The following PCDHA4 variants were observed in gnomAD, a reference collection of about 807,000 sequenced individuals.
PCDHA4 encodes protocadherin alpha-4.
PCDHA4 carries 49 observed loss-of-function variants against 61.4 expected under a neutral mutation model. That is an observed-to-expected ratio of 0.80 (90% CI 0.63 to 1.01). The LOEUF (loss-of-function observed/expected upper bound fraction) is 1.01. Ranked by LOEUF, PCDHA4 falls within the 50% of genes least tolerant of loss-of-function variation. The probability of loss-of-function intolerance (pLI) is 0.00; values close to 1 mark genes in which losing one functional copy is unlikely to be tolerated. For synonymous variants in PCDHA4, 590 were observed against 550.3 expected (o/e 1.07, Z -1.01); for missense variants, 1,254 against 1,235.8 (o/e 1.01, Z -0.22).
Position 140,808,654 on chromosome 5 carries a change from G to A in PCDHA4, c.1467G>A (p.Leu489=). Residue 489 remains leucine (L), a synonymous_variant, in exon 1 of 4, where the codon CTG becomes CTA. Transcript: ENST00000530339. Reference sequence around the variant, plus strand: ...ACGCGGACGCGCAGGAGAACGCGCTGGTGTCCTACTCGCTGGTAGAGCGGC... The same window carrying A: ...ACGCGGACGCGCAGGAGAACGCGCTAGTGTCCTACTCGCTGGTAGAGCGGC... ...AWDADAQENA[L]VSYSLVERRV... 1 of 1,613,224 alleles carries A rather than the reference G, an allele frequency of 6.2e-7. No homozygotes were observed. The highest frequency in any genetic ancestry group is 8.5e-7 in the Non-Finnish European group (1 of 1,179,872).
rs782706939 is a variant in PCDHA4 at position 140,967,257 on chromosome 5, G to C, written c.2386-11692G>C. ...CAGGTAAGCGAATCGGTGGCGCCTG[G>C]AGCGCGCTTTCACATAGAGAGTGCG... is the stretch of plus-strand genomic sequence containing the variant. On this transcript the variant is annotated intron_variant, in intron 1 of 3. Coordinates refer to ENST00000530339, the MANE Select transcript of PCDHA4 (RefSeq NM_018907.4). 1.9e-6 allele frequency: 3 copies of C among 1,613,486 alleles called. No individual in the cohort carries two copies. The highest frequency in any genetic ancestry group is 1.3e-5 in the African/African-American group (1 of 75,062).
At chr5:140,829,449 C>T (rs2150168143) in intron 1 of PCDHA4, 10 of 1,613,808 alleles carry the variant, frequency 6.2e-6, no homozygotes, top group African/African-American at 5.3e-5. Context: ...GACAATGCTC[C>T]GGCGTTCGCG....
chr5:140,941,199 C>CTT (rs879983584), intron 1 of PCDHA4, among the ~76,000 whole-genome samples: 22 of 115,972 alleles, frequency 1.9e-4, no homozygotes, highest in African/African-American at 6.6e-4. Context: ...TTTTTTCTTT[C>CTT]TTCCTTTCTT....
intron 1 of PCDHA4, chr5:140,835,818 G>A: frequency 6.2e-7 from 1 of 1,612,692 alleles, no homozygotes; most frequent in Non-Finnish European, 8.5e-7. Flanking sequence ...CACTGTGTCG[G>A]CGGGGGACGC....
intron 1 of PCDHA4, among the ~76,000 whole-genome samples, chr5:140,899,982 A>AT (rs1290251020): frequency 2.0e-5 from 3 of 150,600 alleles, no homozygotes; most frequent in African/African-American, 4.9e-5. Context: ...TACTTTTTTG[A>AT]TTTTTTTTGT....
chr5:140,886,637 C>A (rs1379156415), intron 1 of PCDHA4, among the ~76,000 whole-genome samples: 3 of 151,848 alleles, frequency 2.0e-5, no homozygotes, highest in Non-Finnish European at 4.4e-5. Context: ...ACCAGCCTGG[C>A]CAACATGGTG....
In PCDHA4 at chr5:140,807,999, A is replaced by G. The variant is rs1554124378; in HGVS notation, c.812A>G (p.Glu271Gly). The change falls in exon 1 of 4, where the codon GAA (glutamate) becomes GGA (glycine). Residue 271 changes from glutamate to glycine, a missense_variant. Transcript: ENST00000530339. ...VIKLNASDLD[E>G]GLNGDIVYSF... ...AAACTTAACGCCTCAGATTTAGACGAAGGATTGAATGGGGACATTGTTTAT... is the reference window on the plus strand; with the variant it reads ...AAACTTAACGCCTCAGATTTAGACGGAGGATTGAATGGGGACATTGTTTAT... 6.2e-7 allele frequency: 1 copy of G among 1,613,834 alleles called. No homozygotes were observed. Among genetic ancestry groups the G allele is most frequent in the South Asian group, 1.1e-5 (1 of 91,068 alleles).
In PCDHA4 at chr5:140,870,774, G is replaced by T. The variant is rs782539037; in HGVS notation, c.2385+61202G>T. The T allele has an allele frequency of 2.9e-5, 47 of 1,613,632 alleles. 1 individual carries two copies. The South Asian group carries it at 3.8e-4, about 13-fold the overall frequency. On this transcript the variant is annotated intron_variant, in intron 1 of 3. Coordinates refer to ENST00000530339, the MANE Select transcript of PCDHA4 (RefSeq NM_018907.4). ...CGCTGCAGGTGTTCGTGCTGGACGA[G>T]AACGACAACGCGCCGGCACTGCTGG...
At chr5:140,996,791 A>G (rs2153942087) in intron 3 of PCDHA4, among the ~76,000 whole-genome samples, 1 of 152,316 alleles carries the variant, frequency 6.6e-6, no homozygotes, top group Non-Finnish European at 1.5e-5. Context: ...CTCACTCCCT[A>G]CATCCAATCA....
At chr5:140,917,330 AG>A (rs1425400137) in intron 1 of PCDHA4, among the ~76,000 whole-genome samples, 1,705 of 103,254 alleles carry the variant, frequency 0.017, 125 homozygotes, top group African/African-American at 0.055. Context: ...GTGGCGGGGG[AG>A]GGGGGGGATG....
intron 1 of PCDHA4, chr5:140,967,492 G>T (rs1554229617): frequency 3.1e-6 from 5 of 1,613,380 alleles, no homozygotes; most frequent in Non-Finnish European, 4.2e-6. Flanking sequence ...GTACGGCACA[G>T]ATCTCTGTGC....
intron 1 of PCDHA4, among the ~76,000 whole-genome samples, chr5:140,958,643 T>C (rs2095435479): frequency 1.3e-5 from 2 of 152,020 alleles, no homozygotes. Flanking sequence ...AGAAAACCAA[T>C]CACAGAAAGC....
At chr5:140,979,817 A>G (rs1228260788) in intron 2 of PCDHA4, among the ~76,000 whole-genome samples, 1 of 152,262 alleles carries the variant, frequency 6.6e-6, no homozygotes, top group Non-Finnish European at 1.5e-5. Flanking sequence ...AAAAGGATTT[A>G]ATTTTAAAGA....
At chr5:141,001,723 A>G (rs936645287) in intron 3 of PCDHA4, among the ~76,000 whole-genome samples, 22 of 152,286 alleles carry the variant, frequency 1.4e-4, no homozygotes, top group African/African-American at 4.8e-4. Context: ...GGAGCTTGAG[A>G]TATTTTACAA....
rs142688560 is a variant in PCDHA4 at position 140,809,117 on chromosome 5, C to A, written c.1930C>A (p.Arg644Ser). 4 of 1,613,992 alleles carry A rather than the reference C, an allele frequency of 2.5e-6. No homozygotes were observed. The highest frequency in any genetic ancestry group is 2.2e-5 in the South Asian group (2 of 91,090). The change falls in exon 1 of 4, where the codon CGC becomes AGC. Residue 644 changes from arginine (R) to serine (S), a missense_variant. Arg to Ser is a moderately radical substitution (Grantham distance 110). Transcript: ENST00000530339. ...TGCCCTGGACGAAACGGACGCTCCG[C>A]GCCACCGCCTACTGGTACTGGTGAA... ...TRALDETDAPRHRLLVLVKDH... is the reference protein window; with the variant it reads ...TRALDETDAPSHRLLVLVKDH...
chr5:140,835,289 C>T, intron 1 of PCDHA4: 1 of 1,612,382 alleles, frequency 6.2e-7, no homozygotes, highest in Non-Finnish European at 8.5e-7. Flanking sequence ...GTGGGGCAAT[C>T]ACAGTGATAG....
intron 3 of PCDHA4, among the ~76,000 whole-genome samples, chr5:141,005,586 C>T (rs1428172819): frequency 6.6e-6 from 1 of 150,712 alleles, no homozygotes; most frequent in Non-Finnish European, 1.5e-5. Flanking sequence ...CCTGTAGTCC[C>T]AGCTACACAG....
At chr5:140,906,796 T>C (rs1021322398) in intron 1 of PCDHA4, among the ~76,000 whole-genome samples, 1 of 152,236 alleles carries the variant, frequency 6.6e-6, no homozygotes, top group African/African-American at 2.4e-5. Context: ...ATTCCATGCA[T>C]ACTCTTCCTT....
At chr5:141,000,639 G>A (rs1375900945) in intron 3 of PCDHA4, among the ~76,000 whole-genome samples, 2 of 151,186 alleles carry the variant, frequency 1.3e-5, no homozygotes, top group East Asian at 1.9e-4. Flanking sequence ...TGTTGGGCAG[G>A]CTGGTCTCGA....
Sources: gnomAD v4.1 joint callset for allele counts (sites outside exome capture counted in the v4.1 genomes callset) on GRCh38, gnomAD v4.1.1 for gene constraint, MANE v1.5 for transcripts, NCBI Gene and HGNC (gene_info 2026-07-23, HGNC 2026-07-21) for gene names.